PTPRK: variants seen among roughly 807,000 people sequenced by gnomAD.
The protein encoded by PTPRK is receptor-type tyrosine-protein phosphatase kappa.
PTPRK carries 75 observed loss-of-function variants against 178.0 expected under a neutral mutation model. That is an observed-to-expected ratio of 0.42 (90% CI 0.35 to 0.51). The LOEUF is 0.51. Ranked by LOEUF, PTPRK falls within the 20% of genes least tolerant of loss-of-function variation. The pLI is 0.02. For synonymous variants in PTPRK, 637 were observed against 620.6 expected (o/e 1.03, Z -0.39); for missense variants, 1,441 against 1,797.8 (o/e 0.80, Z 3.59).
rs112628694 is a variant in PTPRK at position 128,433,487 on chromosome 6, GT to G, written c.101-35800del. Among the ~76,000 whole-genome samples the G allele has an allele frequency of 1.3e-4, 20 of 148,632 alleles. 1 individual carries two copies. The highest frequency in any genetic ancestry group is 4.3e-4 in the South Asian group (2 of 4,670). On this transcript the variant is annotated intron_variant, in intron 1 of 29. Transcript: ENST00000368226. ...TTTTTATTCCAGGGCATTTCTAATA[GT>G]TTTTTTTTTGTATTTTGTTTGTTTG... is the stretch of plus-strand genomic sequence containing the variant.
intron 13 of PTPRK, among the ~76,000 whole-genome samples, chr6:128,020,342 A>G (rs1327804494): frequency 6.6e-6 from 1 of 152,172 alleles, no homozygotes; most frequent in Admixed American, 6.5e-5. Context: ...ATAGCAAAGT[A>G]AGCTACAGAA....
chr6:128,376,236 C>T (rs1195829311), intron 2 of PTPRK, among the ~76,000 whole-genome samples: 3 of 152,232 alleles, frequency 2.0e-5, no homozygotes, highest in African/African-American at 7.2e-5. Flanking sequence ...CTTCAGCAAA[C>T]TTCTTCCTGG....
At chr6:128,059,329 G>T (rs1207627629) in intron 13 of PTPRK, among the ~76,000 whole-genome samples, 2 of 152,066 alleles carry the variant, frequency 1.3e-5, no homozygotes, top group East Asian at 3.8e-4. Context: ...AGATTTTGTA[G>T]TGTTCAGTGT....
intron 3 of PTPRK, among the ~76,000 whole-genome samples, chr6:128,278,123 TTTTATTTA>T (rs201597116): frequency 0.058 from 8,391 of 143,626 alleles, 371 homozygotes; most frequent in African/African-American, 0.13. Flanking sequence ...TTTTTGTGTT[TTTTATTTA>T]TTTATTTATT....
chr6:127,988,022 T>G (rs1776167135), intron 21 of PTPRK, among the ~76,000 whole-genome samples: 1 of 152,122 alleles, frequency 6.6e-6, no homozygotes, highest in African/African-American at 2.4e-5. Context: ...CCTGTTAAGA[T>G]TTCCCACTAC....
intron 7 of PTPRK, among the ~76,000 whole-genome samples, chr6:128,161,493 T>C (rs541723441): frequency 6.6e-6 from 1 of 151,766 alleles, no homozygotes; most frequent in South Asian, 2.1e-4. Flanking sequence ...TAATCTACTG[T>C]TCTCTGACAT....
chr6:128,145,383 CAA>C (rs1796336533), intron 7 of PTPRK, among the ~76,000 whole-genome samples: 1 of 151,982 alleles, frequency 6.6e-6, no homozygotes, highest in Admixed American at 6.6e-5. Context: ...TTCTTATGTC[CAA>C]ACTCATAAAG....
chr6:128,398,298 C>G (rs573701344), intron 1 of PTPRK, among the ~76,000 whole-genome samples: 1 of 152,276 alleles, frequency 6.6e-6, no homozygotes, highest in South Asian at 2.1e-4. Flanking sequence ...GAGGTACTTT[C>G]AATTTTCCAT....
At chr6:128,033,191 G>A (rs1302927747) in intron 13 of PTPRK, among the ~76,000 whole-genome samples, 4 of 152,130 alleles carry the variant, frequency 2.6e-5, no homozygotes, top group Non-Finnish European at 5.9e-5. Flanking sequence ...ACTGATTTTG[G>A]AATATAAGGG....
At chr6:128,064,513 T>G (rs1334061693) in intron 13 of PTPRK, among the ~76,000 whole-genome samples, 2 of 152,196 alleles carry the variant, frequency 1.3e-5, no homozygotes, top group Admixed American at 1.3e-4. Flanking sequence ...TTTCAGACAC[T>G]AAATGGCAGA....
At chr6:128,257,693 G>GCC (rs1279513674) in intron 3 of PTPRK, among the ~76,000 whole-genome samples, 4 of 151,950 alleles carry the variant, frequency 2.6e-5, no homozygotes, top group Non-Finnish European at 5.9e-5. Flanking sequence ...TCTCAGAAAG[G>GCC]CTTCACTTAA....
intron 3 of PTPRK, among the ~76,000 whole-genome samples, chr6:128,276,396 T>C (rs983217191): frequency 1.3e-5 from 2 of 152,070 alleles, no homozygotes; most frequent in Non-Finnish European, 2.9e-5. Context: ...GCCTCCATTC[T>C]AGAAAAGACT....
intron 1 of PTPRK, among the ~76,000 whole-genome samples, chr6:128,422,232 T>G (rs1031669303): frequency 1.3e-5 from 2 of 152,236 alleles, no homozygotes; most frequent in African/African-American, 2.4e-5. Flanking sequence ...CATGGGTATA[T>G]GTAAATTGAT....
chr6:128,052,309 GA>G (rs1347843892), intron 13 of PTPRK, among the ~76,000 whole-genome samples: 1 of 152,114 alleles, frequency 6.6e-6, no homozygotes, highest in Non-Finnish European at 1.5e-5. Context: ...TCAAACTTAA[GA>G]AAATTAACTA....
At chr6:128,150,540 T>TA (rs1407686773) in intron 7 of PTPRK, among the ~76,000 whole-genome samples, 4 of 152,162 alleles carry the variant, frequency 2.6e-5, no homozygotes, top group Non-Finnish European at 5.9e-5. Flanking sequence ...CTCATCTTTT[T>TA]AGAGGCATTC....
intron 1 of PTPRK, among the ~76,000 whole-genome samples, chr6:128,496,339 C>T (rs1357253868): frequency 6.6e-6 from 1 of 152,080 alleles, no homozygotes; most frequent in Non-Finnish European, 1.5e-5. Flanking sequence ...AAAACCCAGT[C>T]CAGTAGTAAA....
At chr6:128,142,936 T>C (rs914253261) in intron 7 of PTPRK, among the ~76,000 whole-genome samples, 1 of 152,130 alleles carries the variant, frequency 6.6e-6, no homozygotes, top group Non-Finnish European at 1.5e-5. Flanking sequence ...AATTACAAAT[T>C]ATTGTAATAT....
rs1172145765 is a variant in PTPRK at position 128,093,596 on chromosome 6, CAAAAAAAAAAAAAA to C, written c.1163-3618_1163-3605del. 1.4e-3 allele frequency among the ~76,000 whole-genome samples: 9 copies of C among 6,276 alleles called. No individual in the cohort carries two copies. In the East Asian group the frequency reaches 0.052, roughly 36 times the overall value. The allele number at this position is 6,276 out of a possible 152,430, so 4.1% of individuals were successfully genotyped here. On this transcript the variant is annotated intron_variant, in intron 7 of 29. Transcript: ENST00000368226. ...GGTGACAGAGCAAGAGACTCTCTCT[CAAAAAAAAAAAAAA>C]AAAAAAAAAAAAACGAAAAAACAAA...
chr6:128,390,605 A>G (rs1839413424), intron 2 of PTPRK, among the ~76,000 whole-genome samples: 1 of 152,286 alleles, frequency 6.6e-6, no homozygotes, highest in South Asian at 2.1e-4. Flanking sequence ...TTGTCAACTC[A>G]ACTGCAGTGA....
Sources: allele counts gnomAD v4.1 joint callset (sites outside exome capture counted in the v4.1 genomes callset), GRCh38; gene constraint gnomAD v4.1.1; transcripts MANE v1.5; gene names NCBI Gene and HGNC (gene_info 2026-07-23, HGNC 2026-07-21).